PCBP3: variants seen among roughly 807,000 people sequenced by gnomAD.
The protein encoded by PCBP3 is poly(rC)-binding protein 3.
A neutral mutation model predicts 52.7 loss-of-function variants in PCBP3; 25 were observed. The ratio of observed to expected loss-of-function variants is 0.47; its 90% CI spans 0.35 to 0.66. The LOEUF (loss-of-function observed/expected upper bound fraction) is 0.66, where lower values mean the gene tolerates loss of function less well. PCBP3 is among the 30% of genes least tolerant of loss of function. The probability of loss-of-function intolerance (pLI) is 0.01; values close to 1 mark genes in which losing one functional copy is unlikely to be tolerated. For synonymous variants in PCBP3, 162 were observed against 183.0 expected (o/e 0.89, Z 0.93); for missense variants, 391 against 490.3 (o/e 0.80, Z 1.91).
At chr21:45,686,731 C>T (rs144357926) in intron 2 of PCBP3, among the ~76,000 whole-genome samples, 1 of 152,166 alleles carries the variant, frequency 6.6e-6, no homozygotes, top group East Asian at 1.9e-4. Flanking sequence ...TCAGATGGAA[C>T]TTTGACAGTG....
intron 4 of PCBP3, among the ~76,000 whole-genome samples, chr21:45,831,512 T>C (rs1390279865): frequency 6.6e-6 from 1 of 152,094 alleles, no homozygotes; most frequent in Non-Finnish European, 1.5e-5. Context: ...GGTCTGTTGT[T>C]GAAAGTTTGG....
intron 4 of PCBP3, among the ~76,000 whole-genome samples, chr21:45,775,302 T>C (rs558795395): frequency 4.0e-4 from 39 of 98,168 alleles, no homozygotes; most frequent in African/African-American, 1.5e-3. Flanking sequence ...AGTATATAGC[T>C]TTTTTTTTTA....
intron 3 of PCBP3, among the ~76,000 whole-genome samples, chr21:45,740,621 AGTGT>A (rs34229652): frequency 2.4e-4 from 36 of 150,494 alleles, no homozygotes; most frequent in Non-Finnish European, 4.4e-4. Flanking sequence ...TGGTGTGTGT[AGTGT>A]GTGTGTGTGT....
At chr21:45,935,424 A>C (rs2149555754) in intron 16 of PCBP3, 119 bp downstream of exon 16, 2 of 736,722 alleles carry the variant, frequency 2.7e-6, no homozygotes, top group South Asian at 2.9e-5. Flanking sequence ...TCACCACCCC[A>C]ACCCCACTGT....
chr21:45,727,006 G>A (rs1358338777), intron 2 of PCBP3, among the ~76,000 whole-genome samples: 2 of 152,156 alleles, frequency 1.3e-5, no homozygotes, highest in African/African-American at 2.4e-5. Context: ...GTGACTTGAA[G>A]ATGAAAAGTT....
intron 4 of PCBP3, among the ~76,000 whole-genome samples, chr21:45,792,450 C>G (rs369733711): frequency 6.6e-6 from 1 of 152,228 alleles, no homozygotes; most frequent in South Asian, 2.1e-4. Context: ...GGAAAGAAAA[C>G]TTAAATAGAG....
In PCBP3 at chr21:45,759,085, G is replaced by A. The variant is rs542524693; in HGVS notation, c.-126+3633G>A. Among the ~76,000 whole-genome samples, 7 of 152,258 alleles carry A rather than the reference G, an allele frequency of 4.6e-5. No homozygotes were observed. The South Asian group carries it at 1.5e-3, about 32-fold the overall frequency. On this transcript the variant is annotated intron_variant, in intron 4 of 17. Coordinates refer to ENST00000681687, the MANE Select transcript of PCBP3 (RefSeq NM_001384156.1). ...AGTAAAGGGATTTTGTTAAGAATTTGTGCATCTATATTCATGGGGGATTTG... is the reference window on the plus strand; with the variant it reads ...AGTAAAGGGATTTTGTTAAGAATTTATGCATCTATATTCATGGGGGATTTG...
chr21:45,694,931 T>G (rs978551218), intron 2 of PCBP3, among the ~76,000 whole-genome samples: 18 of 151,990 alleles, frequency 1.2e-4, no homozygotes, highest in Non-Finnish European at 2.1e-4. Flanking sequence ...CAGCAATTTG[T>G]TTTTTTTAGG....
intron 11 of PCBP3, among the ~76,000 whole-genome samples, chr21:45,912,806 G>A (rs1170024521): frequency 3.9e-5 from 6 of 152,176 alleles, no homozygotes; most frequent in Non-Finnish European, 8.8e-5. Flanking sequence ...GTCTACCTCA[G>A]TCAGTTCCTC....
chr21:45,689,448 G>A (rs1487477565), intron 2 of PCBP3, among the ~76,000 whole-genome samples: 2 of 151,954 alleles, frequency 1.3e-5, no homozygotes, highest in African/African-American at 4.8e-5. Flanking sequence ...GCTAACAGGT[G>A]GATTTATGAA....
intron 2 of PCBP3, among the ~76,000 whole-genome samples, chr21:45,680,289 A>G (rs2081758553): frequency 6.6e-6 from 1 of 152,220 alleles, no homozygotes; most frequent in South Asian, 2.1e-4. Flanking sequence ...GTTGCATTAA[A>G]TTTGTATAAT....
chr21:45,695,030 AG>A (rs1367945362), intron 2 of PCBP3, among the ~76,000 whole-genome samples: 1 of 152,212 alleles, frequency 6.6e-6, no homozygotes, highest in Non-Finnish European at 1.5e-5. Flanking sequence ...ATGCCAGTGG[AG>A]GATCTCCACC....
intron 2 of PCBP3, among the ~76,000 whole-genome samples, chr21:45,670,126 T>C (rs2081083061): frequency 6.6e-6 from 1 of 152,132 alleles, no homozygotes; most frequent in Non-Finnish European, 1.5e-5. Flanking sequence ...CCAACACTTA[T>C]TATTATTTTG....
chr21:45,917,893 C>A lies in PCBP3; in HGVS notation c.717+264C>A. 1 of 502,388 alleles carries A rather than the reference C, an allele frequency of 2.0e-6. No individual in the cohort carries two copies. The highest frequency in any genetic ancestry group is 3.7e-6 in the Non-Finnish European group (1 of 270,244). 31.1% of individuals were successfully genotyped at this position (502,388 alleles called of 1,614,324 possible). A position where few individuals can be genotyped will look rare whatever the true frequency, so the allele number is the denominator to read the frequency against. Reference sequence around the variant, plus strand: ...CTGGGTTTTCCTCCCTCCCACGGGGCCTGGGAGGGAACTGAGACGGGCTCT... The same window carrying A: ...CTGGGTTTTCCTCCCTCCCACGGGGACTGGGAGGGAACTGAGACGGGCTCT... On this transcript the variant is annotated intron_variant, in intron 13 of 17. Coordinates refer to ENST00000681687, the MANE Select transcript of PCBP3 (RefSeq NM_001384156.1). This position sits in a 1 kb window ranked among gnomAD's most constrained non-coding sequence, Gnocchi z 5.3.
chr21:45,655,474 AAGT>A (rs2079956381), intron 1 of PCBP3, among the ~76,000 whole-genome samples: 1 of 152,052 alleles, frequency 6.6e-6, no homozygotes, highest in African/African-American at 2.4e-5. Context: ...AGTGGGTGGG[AAGT>A]AGTAGATATT....
Position 45,815,073 on chromosome 21 carries a change from T to C in PCBP3, c.-125-34888T>C, listed in dbSNP as rs546362250. On this transcript the variant is annotated intron_variant, in intron 4 of 17. Coordinates refer to ENST00000681687, the MANE Select transcript of PCBP3 (RefSeq NM_001384156.1). ...TGGTGAGTGTTGAGTGAGTGATGAGTGATGGGTGAGTGGTGAGTGATGAGT... is the reference window on the plus strand; with the variant it reads ...TGGTGAGTGTTGAGTGAGTGATGAGCGATGGGTGAGTGGTGAGTGATGAGT... Among the ~76,000 whole-genome samples, 12 of 78,844 alleles carry C rather than the reference T, an allele frequency of 1.5e-4. 1 individual carries two copies. Among genetic ancestry groups the C allele is most frequent in the African/African-American group, 5.3e-4 (9 of 16,892 alleles). 51.7% of individuals were successfully genotyped at this position (78,844 alleles called of 152,430 possible).
chr21:45,784,552 A>G (rs1250792513), intron 4 of PCBP3, among the ~76,000 whole-genome samples: 5 of 151,182 alleles, frequency 3.3e-5, no homozygotes, highest in South Asian at 2.1e-4. Context: ...GCTCACTGCA[A>G]CCTCCCTGCC....
rs551713881 is a variant in PCBP3, at chr21:45,849,276, G to C, written c.-125-685G>C. Reference sequence around the variant, plus strand: ...GCTGCAGTGCAGTGGCGCAATCTCAGCTCACTGCAACCCCCGCCTCCTGGG... The same window carrying C: ...GCTGCAGTGCAGTGGCGCAATCTCACCTCACTGCAACCCCCGCCTCCTGGG... On this transcript the variant is annotated intron_variant, in intron 4 of 17. Transcript: ENST00000681687. Among the ~76,000 whole-genome samples the C allele has an allele frequency of 3.4e-5, 5 of 147,442 alleles. No homozygotes were observed. In the East Asian group the frequency reaches 6.2e-4, roughly 18 times the overall value.
At chr21:45,734,732 G>A (rs192405300) in intron 2 of PCBP3, among the ~76,000 whole-genome samples, 33 of 152,310 alleles carry the variant, frequency 2.2e-4, no homozygotes, top group Admixed American at 1.3e-3. Context: ...TGTGCTGCCT[G>A]CTGCTCCATG....
Sources: allele counts gnomAD v4.1 joint callset (sites outside exome capture counted in the v4.1 genomes callset), GRCh38; gene constraint gnomAD v4.1.1; non-coding constraint Gnocchi (gnomAD v3.1); transcripts MANE v1.5; gene names NCBI Gene and HGNC (gene_info 2026-07-23, HGNC 2026-07-21).